Variants in MAPK10 observed in about 807,000 individuals in gnomAD.
MAPK10 encodes mitogen-activated protein kinase 10.
MAPK10 carries 25 observed loss-of-function variants against 59.3 expected under a neutral mutation model. The ratio of observed to expected loss-of-function variants is 0.42; its 90% confidence interval spans 0.31 to 0.59. The LOEUF (loss-of-function observed/expected upper bound fraction) is 0.59. Among genes scored for constraint, MAPK10 ranks in the 20% least tolerant of loss-of-function variants. The probability of loss-of-function intolerance (pLI) is 0.15; values close to 1 mark genes in which losing one functional copy is unlikely to be tolerated. For missense variants in MAPK10, 351 were observed against 568.9 expected (o/e 0.62, Z 3.90); for synonymous variants, 190 against 200.5 (o/e 0.95, Z 0.44).
At chr4:86,107,738 T>G (rs1364356168) in intron 4 of MAPK10, 2 of 740,706 alleles carry the variant, frequency 2.7e-6, no homozygotes, top group African/African-American at 3.8e-5. Flanking sequence ...TCATTTAATC[T>G]CTCTGAGCTT....
chr4:86,502,450 T>A (rs1006952140), intron 1 of MAPK10, among the ~76,000 whole-genome samples: 4 of 152,070 alleles, frequency 2.6e-5, no homozygotes. Context: ...TACTTTGCAT[T>A]GACTTAATAA....
Position 86,360,043 on chromosome 4 carries a change from T to C in MAPK10, c.-507A>G. On this transcript the variant is annotated 5_prime_UTR_variant, in exon 1 of 14. Transcript: ENST00000641462. ...AACCATTGTGCAGCGTGATGCTGCCTGTACCATTGTGGAACCTACCAGAGG... is the reference window on the plus strand; with the variant it reads ...AACCATTGTGCAGCGTGATGCTGCCCGTACCATTGTGGAACCTACCAGAGG... 1.0e-6 allele frequency: 1 copy of C among 985,874 alleles called. No individual in the cohort carries two copies. The highest frequency in any genetic ancestry group is 4.7e-5 in the South Asian group (1 of 21,286). 61.1% of individuals were successfully genotyped at this position (985,874 alleles called of 1,614,324 possible). A position where few individuals can be genotyped will look rare whatever the true frequency, so the allele number is the denominator to read the frequency against.
intron 1 of MAPK10, among the ~76,000 whole-genome samples, chr4:86,381,506 A>T (rs1023327776): frequency 1.3e-5 from 2 of 152,112 alleles, no homozygotes; most frequent in African/African-American, 4.8e-5. Flanking sequence ...TCAGACACTC[A>T]TGTTAGCTGT....
chr4:86,025,624 G>T, intron 13 of MAPK10: 1 of 396,340 alleles, frequency 2.5e-6, no homozygotes, highest in Admixed American at 4.4e-5. Context: ...AAAATGTTTT[G>T]CCATCAATAA....
chr4:86,137,585 A>C (rs1233720901), intron 4 of MAPK10, among the ~76,000 whole-genome samples: 1 of 131,904 alleles, frequency 7.6e-6, no homozygotes, highest in Non-Finnish European at 1.5e-5. Flanking sequence ...GAAAGCAGGA[A>C]AGATCCAAAA....
At chr4:86,505,852 G>A (rs140030278) in intron 1 of MAPK10, among the ~76,000 whole-genome samples, 4 of 152,082 alleles carry the variant, frequency 2.6e-5, no homozygotes, top group Admixed American at 6.6e-5. Flanking sequence ...TACTTATTGC[G>A]TCAATATCTA....
intron 4 of MAPK10, among the ~76,000 whole-genome samples, chr4:86,146,670 A>G (rs1242615362): frequency 6.6e-6 from 1 of 152,346 alleles, no homozygotes; most frequent in African/African-American, 2.4e-5. Flanking sequence ...CAGAGCTTTC[A>G]TCAGTCTCTC....
chr4:86,335,386 A>C (rs1720584864), intron 2 of MAPK10, among the ~76,000 whole-genome samples: 1 of 152,246 alleles, frequency 6.6e-6, no homozygotes, highest in Non-Finnish European at 1.5e-5. Flanking sequence ...TAATTTTTTA[A>C]ATTTAAAATC....
chr4:86,349,237 C>T (rs1262386251), intron 2 of MAPK10, among the ~76,000 whole-genome samples: 1 of 152,198 alleles, frequency 6.6e-6, no homozygotes, highest in African/African-American at 2.4e-5. Context: ...TGCCAGGCTG[C>T]CTTCCACATT....
intron 2 of MAPK10, among the ~76,000 whole-genome samples, chr4:86,294,839 C>T (rs183466694): frequency 2.8e-4 from 42 of 152,234 alleles, no homozygotes; most frequent in Admixed American, 6.5e-4. Context: ...GAAACCTCTT[C>T]GAGGCTTTGG....
At chr4:86,516,459 A>G (rs947885215) in intron 1 of MAPK10, among the ~76,000 whole-genome samples, 5 of 152,174 alleles carry the variant, frequency 3.3e-5, no homozygotes, top group African/African-American at 1.2e-4. Flanking sequence ...TTGAATTTAT[A>G]CATTGCTTTT....
intron 1 of MAPK10, among the ~76,000 whole-genome samples, chr4:86,497,932 G>A (rs2149077918): frequency 6.6e-6 from 1 of 152,264 alleles, no homozygotes; most frequent in Non-Finnish European, 1.5e-5. Context: ...TTTTCCATGA[G>A]CACAACTGGC....
At chr4:86,277,137 CTTT>C (rs113070859) in intron 2 of MAPK10, 2 of 143,662 alleles carry the variant, frequency 1.4e-5, no homozygotes, top group African/African-American at 2.5e-5. Flanking sequence ...TTGTGACCAT[CTTT>C]TTTTTTTTTT....
At position 86,508,808 on chromosome 4, in the gene MAPK10, A is replaced by T. The variant is rs79682036; in HGVS notation, c.-263+85102T>A. Reference sequence around the variant, plus strand: ...TAAACTTCCTGACAGGATTTATAGAATTTTCTTTGCTCTGGAGAAATTAGT... The same window carrying T: ...TAAACTTCCTGACAGGATTTATAGATTTTTCTTTGCTCTGGAGAAATTAGT... On this transcript the variant is annotated intron_variant, in intron 1 of 4. Coordinates refer to the MAPK10 transcript ENST00000502302. Among the ~76,000 whole-genome samples, 906 of 152,246 alleles carry T rather than the reference A, an allele frequency of 6.0e-3. 13 individuals carry two copies. Among genetic ancestry groups the T allele is most frequent in the African/African-American group, 0.02 (846 of 41,540 alleles).
chr4:86,171,153 C>A lies in MAPK10; in HGVS notation c.67-11686G>T, dbSNP rs552019930. The A allele has an allele frequency of 1.7e-3, 262 of 151,512 alleles. 1 individual carries two copies. Among genetic ancestry groups the A allele is most frequent in the African/African-American group, 5.8e-3 (240 of 41,274 alleles). 9.4% of individuals were successfully genotyped at this position (151,512 alleles called of 1,614,324 possible). Reference sequence around the variant, plus strand: ...ATCCAAAATTGACACCCTAACATCACAATTAAAAGAACTAGAAAAGCAAGA... The same window carrying A: ...ATCCAAAATTGACACCCTAACATCAAAATTAAAAGAACTAGAAAAGCAAGA... On this transcript the variant is annotated intron_variant, in intron 3 of 13. Coordinates refer to ENST00000641462, the MANE Select transcript of MAPK10 (RefSeq NM_138982.4).
intron 1 of MAPK10, among the ~76,000 whole-genome samples, chr4:86,555,277 C>T (rs1294039666): frequency 2.0e-5 from 3 of 152,068 alleles, no homozygotes; most frequent in African/African-American, 7.2e-5. Context: ...GAAACCCTGT[C>T]TCTACTAAAA....
chr4:86,313,868 G>A (rs1049045371), intron 2 of MAPK10, among the ~76,000 whole-genome samples: 1 of 152,000 alleles, frequency 6.6e-6, no homozygotes, highest in African/African-American at 2.4e-5. Context: ...GCATACACAA[G>A]TACATATGTT....
chr4:86,101,267 G>T, intron 7 of MAPK10, 50 bp from the exon 8 acceptor site: 2 of 1,452,364 alleles, frequency 1.4e-6, no homozygotes, highest in Non-Finnish European at 1.9e-6. Flanking sequence ...CAAGTGAAAT[G>T]TTATTTCCAT....
intron 1 of MAPK10, among the ~76,000 whole-genome samples, chr4:86,425,799 T>A (rs1052591253): frequency 1.3e-5 from 2 of 152,188 alleles, no homozygotes; most frequent in African/African-American, 4.8e-5. Context: ...AAGGTGACCC[T>A]GTCTCTACTA....
Sources: allele counts gnomAD v4.1 joint callset (sites outside exome capture counted in the v4.1 genomes callset), GRCh38; gene constraint gnomAD v4.1.1; transcripts MANE v1.5; gene names NCBI Gene and HGNC (gene_info 2026-07-23, HGNC 2026-07-21).